The following FAM174A variants were observed in gnomAD, a reference collection of about 807,000 sequenced individuals.
The protein encoded by FAM174A is membrane protein FAM174A.
A neutral mutation model predicts 14.3 loss-of-function variants in FAM174A; 14 were observed. The ratio of observed to expected loss-of-function variants is 0.98; its 90% CI spans 0.65 to 1.53. The LOEUF (loss-of-function observed/expected upper bound fraction) is 1.53, where lower values mean the gene tolerates loss of function less well. FAM174A is among the 40% of genes most tolerant of loss of function. The pLI is 0.00. For synonymous variants in FAM174A, 108 were observed against 111.4 expected (o/e 0.97, Z 0.19); for missense variants, 241 against 249.6 (o/e 0.97, Z 0.23).
intron 2 of FAM174A, among the ~76,000 whole-genome samples, chr5:100,582,901 G>A (rs1033268081): frequency 1.3e-5 from 2 of 151,950 alleles, no homozygotes; most frequent in African/African-American, 4.8e-5. Context: ...TGGGGGCTAG[G>A]GGCACCAACT....
At chr5:100,554,970 C>A (rs1186258451) in intron 1 of FAM174A, among the ~76,000 whole-genome samples, 1 of 151,784 alleles carries the variant, frequency 6.6e-6, no homozygotes, top group African/African-American at 2.4e-5. Flanking sequence ...GGTACATGTG[C>A]ACAACATGCA....
At chr5:100,559,736 G>T (rs1029245259) in intron 1 of FAM174A, among the ~76,000 whole-genome samples, 3 of 151,832 alleles carry the variant, frequency 2.0e-5, no homozygotes, top group Admixed American at 1.3e-4. Flanking sequence ...CCAGTTGTTC[G>T]CATTGGCTAC....
rs1193965122 is a variant in FAM174A at position 100,562,174 on chromosome 5, C to G, written c.555C>G (p.Ala185=). ...DEDDDNTLFD[A]NHPRR ...ATGATGACAACACGTTGTTTGATGC[C>G]AATCATCCTCGAAGGTAAGTATTCC... Residue 185 remains alanine, a synonymous_variant, in exon 2 of 3, where the codon GCC becomes GCG. Coordinates refer to ENST00000312637, the MANE Select transcript of FAM174A (RefSeq NM_198507.3). The G allele has an allele frequency of 6.3e-7, 1 of 1,576,396 alleles. No individual in the cohort carries two copies. Among genetic ancestry groups the G allele is most frequent in the Non-Finnish European group, 8.6e-7 (1 of 1,164,960 alleles).
chr5:100,566,554 A>G (rs1746656070), intron 2 of FAM174A, among the ~76,000 whole-genome samples: 1 of 151,840 alleles, frequency 6.6e-6, no homozygotes, highest in South Asian at 2.1e-4. Context: ...AGTAGTGTAT[A>G]CTTTTAAGTT....
intron 1 of FAM174A, among the ~76,000 whole-genome samples, chr5:100,549,779 A>T (rs1182119204): frequency 6.6e-6 from 1 of 152,110 alleles, no homozygotes; most frequent in East Asian, 1.9e-4. Context: ...TTTTTTAAAA[A>T]TATGAAAAAA....
chr5:100,554,310 C>CTTTTTTTTTT (rs34241194), intron 1 of FAM174A, among the ~76,000 whole-genome samples: 6 of 93,942 alleles, frequency 6.4e-5, no homozygotes, highest in Non-Finnish European at 1.0e-4. Flanking sequence ...ATTTTTCTAT[C>CTTTTTTTTTT]TTTTTTTTTT....
At position 100,535,827 on chromosome 5, in the gene FAM174A, G is replaced by T; in HGVS notation, c.297G>T (p.Lys99Asn). Residue 99 changes from lysine (K) to asparagine (N), a missense_variant, in exon 1 of 3, where the codon AAG becomes AAT. Lys to Asn is a moderately conservative substitution (Grantham distance 94, BLOSUM62 0). Transcript: ENST00000312637. ...AGLETDDHGG[K>N]AGEGSVGGGL... ...TTGAGACGGACGATCACGGAGGGAA[G>T]GCCGGGGAAGGCTCGGTGGGTGGCG... 6.2e-7 allele frequency: 1 copy of T among 1,611,290 alleles called. No individual in the cohort carries two copies.
chr5:100,548,242 C>G (rs1328367622), intron 1 of FAM174A, among the ~76,000 whole-genome samples: 3 of 152,058 alleles, frequency 2.0e-5, no homozygotes, highest in Non-Finnish European at 4.4e-5. Flanking sequence ...CTCAATTGCT[C>G]TCTAAACAAA....
At chr5:100,541,134 G>C (rs1264733113) in intron 1 of FAM174A, among the ~76,000 whole-genome samples, 2 of 152,156 alleles carry the variant, frequency 1.3e-5, no homozygotes, top group African/African-American at 4.8e-5. Flanking sequence ...AAATTTGAAT[G>C]ACTGTTATAT....
chr5:100,564,808 T>G (rs1364036060), intron 2 of FAM174A, among the ~76,000 whole-genome samples: 2 of 151,810 alleles, frequency 1.3e-5, no homozygotes, highest in Non-Finnish European at 2.9e-5. Context: ...ACATACAATC[T>G]ATGAAACTTG....
intron 1 of FAM174A, among the ~76,000 whole-genome samples, chr5:100,561,069 C>T (rs1746513107): frequency 6.6e-6 from 1 of 151,706 alleles, no homozygotes; most frequent in Non-Finnish European, 1.5e-5. Flanking sequence ...GTGGGAGAGA[C>T]AGATGAATAA....
At chr5:100,565,796 T>A (rs1746631048) in intron 2 of FAM174A, among the ~76,000 whole-genome samples, 1 of 151,670 alleles carries the variant, frequency 6.6e-6, no homozygotes, top group South Asian at 2.1e-4. Flanking sequence ...TATCGGAGAC[T>A]GGGTAATTTA....
Position 100,568,752 on chromosome 5 carries a change from G to A in FAM174A, c.569+6564G>A, listed in dbSNP as rs60981587. On this transcript the variant is annotated intron_variant, in intron 2 of 2. Transcript: ENST00000312637. ...ACTTTCTAAAAAAAAATGAAAGTTTGCAGTTTTCTCCTCACTGTCCCATCA... is the reference window on the plus strand; with the variant it reads ...ACTTTCTAAAAAAAAATGAAAGTTTACAGTTTTCTCCTCACTGTCCCATCA... Among the ~76,000 whole-genome samples the A allele has an allele frequency of 9.4e-3, 1,427 of 151,836 alleles. 15 individuals carry two copies. Among genetic ancestry groups the A allele is most frequent in the African/African-American group, 0.033 (1,354 of 41,446 alleles).
At chr5:100,570,215 G>A (rs757313845) in intron 2 of FAM174A, among the ~76,000 whole-genome samples, 5 of 151,678 alleles carry the variant, frequency 3.3e-5, no homozygotes, top group African/African-American at 7.3e-5. Flanking sequence ...TGTGAGAAGA[G>A]GTGTGTTTAT....
intron 2 of FAM174A, among the ~76,000 whole-genome samples, chr5:100,565,980 A>G (rs1746636001): frequency 6.7e-6 from 1 of 150,302 alleles, no homozygotes. Flanking sequence ...CTTATTCAAT[A>G]TCATAAGAAC....
intron 2 of FAM174A, among the ~76,000 whole-genome samples, chr5:100,585,043 A>G (rs1433432437): frequency 1.3e-5 from 2 of 152,204 alleles, no homozygotes; most frequent in African/African-American, 4.8e-5. Context: ...TTTTACTGCA[A>G]TACACAATTT....
chr5:100,568,867 G>A (rs1013926235), intron 2 of FAM174A, among the ~76,000 whole-genome samples: 1 of 151,882 alleles, frequency 6.6e-6, no homozygotes, highest in Non-Finnish European at 1.5e-5. Context: ...TGTGCTCATA[G>A]TAGTCATTTG....
chr5:100,555,395 G>A (rs1233382403), intron 1 of FAM174A, among the ~76,000 whole-genome samples: 3 of 152,184 alleles, frequency 2.0e-5, no homozygotes, highest in Admixed American at 2.0e-4. Flanking sequence ...ACATACGTGT[G>A]TGTGTGTCTT....
intron 1 of FAM174A, among the ~76,000 whole-genome samples, chr5:100,540,243 A>T (rs1166414504): frequency 6.6e-6 from 1 of 152,178 alleles, no homozygotes; most frequent in Non-Finnish European, 1.5e-5. Flanking sequence ...AAATCACTTA[A>T]TTTAAGCAAA....
Sources: allele counts gnomAD v4.1 joint callset (sites outside exome capture counted in the v4.1 genomes callset), GRCh38; gene constraint gnomAD v4.1.1; transcripts MANE v1.5; gene names NCBI Gene and HGNC (gene_info 2026-07-23, HGNC 2026-07-21).